SLC9B1: variants seen among roughly 807,000 people sequenced by gnomAD.
The protein encoded by SLC9B1 is solute carrier family 9 member B1, also known as sodium/hydrogen exchanger 9B1.
In SLC9B1, 32 loss-of-function variants were observed where a neutral mutation model predicts 51.7. The ratio of observed to expected loss-of-function variants is 0.62; its 90% CI spans 0.47 to 0.83. SLC9B1 has a LOEUF of 0.83. SLC9B1 is among the 40% of genes least tolerant of loss of function. The pLI, the probability that SLC9B1 is intolerant of heterozygous loss-of-function variation, is 0.00. For synonymous variants in SLC9B1, 145 were observed against 212.7 expected (o/e 0.68, Z 2.77); for missense variants, 406 against 613.2 (o/e 0.66, Z 3.57).
Position 103,016,134 on chromosome 4 carries a change from C to CAAAAAAAAAAAAAAAAAAAA in SLC9B1, c.-2+3464_-2+3465insTTTTTTTTTTTTTTTTTTTT, listed in dbSNP as rs61227731. On this transcript the variant is annotated intron_variant, in intron 1 of 11. Coordinates refer to ENST00000296422, the MANE Select transcript of SLC9B1 (RefSeq NM_139173.4). Reference sequence around the variant, plus strand: ...GGACAACAAGAGCCAAACTCTGTCTCAAAAAAAAAAAAAAAAAAAGGAAAG... The same window carrying CAAAAAAAAAAAAAAAAAAAA: ...GGACAACAAGAGCCAAACTCTGTCTCAAAAAAAAAAAAAAAAAAAAAAAAAAAAAAAAAAAAAAAGGAAAG... 2.2e-4 allele frequency among the ~76,000 whole-genome samples: 11 copies of CAAAAAAAAAAAAAAAAAAAA among 49,630 alleles called. 1 individual carries two copies. The highest frequency in any genetic ancestry group is 2.4e-4 in the Non-Finnish European group (7 of 28,898). The allele number at this position is 49,630 out of a possible 152,430, so 32.6% of individuals were successfully genotyped here. A position where few individuals can be genotyped will look rare whatever the true frequency, so the allele number is the denominator to read the frequency against.
chr4:102,955,156 T>C (rs1236081487), intron 3 of SLC9B1, among the ~76,000 whole-genome samples: 1 of 152,134 alleles, frequency 6.6e-6, no homozygotes, highest in Admixed American at 6.5e-5. Context: ...TGGGAGATAA[T>C]TGAATCATGG....
At chr4:102,983,418 A>C (rs1284128425) in intron 3 of SLC9B1, among the ~76,000 whole-genome samples, 2 of 152,186 alleles carry the variant, frequency 1.3e-5, no homozygotes, top group Non-Finnish European at 1.5e-5. Flanking sequence ...TAAATTGGAA[A>C]GTATTCCTTC....
intron 11 of SLC9B1, chr4:102,891,847 C>T (rs901925791): frequency 7.9e-5 from 12 of 152,194 alleles, no homozygotes; most frequent in African/African-American, 2.9e-4. Flanking sequence ...TTAAAAACCA[C>T]ATGTGCAGCA....
chr4:102,980,441 A>G (rs1478553840), intron 3 of SLC9B1, among the ~76,000 whole-genome samples: 1 of 152,214 alleles, frequency 6.6e-6, no homozygotes, highest in Non-Finnish European at 1.5e-5. Flanking sequence ...TGTCCTTTGC[A>G]GGGACATGGA....
At chr4:102,928,414 C>A (rs1736294696) in intron 7 of SLC9B1, among the ~76,000 whole-genome samples, 1 of 152,170 alleles carries the variant, frequency 6.6e-6, no homozygotes, top group South Asian at 2.1e-4. Context: ...TCAGCCTGGA[C>A]TTCACTGTCC....
intron 3 of SLC9B1, among the ~76,000 whole-genome samples, chr4:102,987,773 CA>C (rs1394589285): frequency 8.5e-5 from 13 of 152,150 alleles, no homozygotes; most frequent in African/African-American, 2.4e-4. Flanking sequence ...TTTTAAATTA[CA>C]ATTCAGGTTT....
At chr4:102,958,242 C>A (rs1479487140) in intron 3 of SLC9B1, among the ~76,000 whole-genome samples, 1 of 152,120 alleles carries the variant, frequency 6.6e-6, no homozygotes, top group Admixed American at 6.5e-5. Context: ...TGAGTAAATT[C>A]TTGTGAGATC....
intron 1 of SLC9B1, among the ~76,000 whole-genome samples, chr4:102,993,930 A>G (rs1038356124): frequency 3.9e-5 from 6 of 152,174 alleles, no homozygotes; most frequent in African/African-American, 1.4e-4. Context: ...GCAGGGCACC[A>G]TGTCTCAAGG....
At chr4:102,960,126 A>G (rs1738025265) in intron 3 of SLC9B1, among the ~76,000 whole-genome samples, 1 of 152,096 alleles carries the variant, frequency 6.6e-6, no homozygotes, top group Non-Finnish European at 1.5e-5. Context: ...CAGAAAACAT[A>G]TATGCACTGG....
chr4:102,939,406 CAAAAAAAAAAAA>C (rs56014819), intron 6 of SLC9B1, among the ~76,000 whole-genome samples: 5 of 68,264 alleles, frequency 7.3e-5, no homozygotes, highest in Admixed American at 6.7e-4. Context: ...GTCTCTGAGC[CAAAAAAAAAAAA>C]AAAAAAAAAA....
intron 3 of SLC9B1, among the ~76,000 whole-genome samples, chr4:102,974,476 G>A (rs1738952354): frequency 6.6e-6 from 1 of 151,924 alleles, no homozygotes; most frequent in South Asian, 2.1e-4. Flanking sequence ...AATAAAAAAT[G>A]AAATGTAACA....
chr4:103,017,294 A>G (rs1741421578), intron 1 of SLC9B1, among the ~76,000 whole-genome samples: 1 of 152,106 alleles, frequency 6.6e-6, no homozygotes, highest in African/African-American at 2.4e-5. Context: ...CTTGCTCCCC[A>G]CCCAGTATGA....
chr4:102,943,919 TAA>T (rs1356924928), intron 6 of SLC9B1, among the ~76,000 whole-genome samples: 1 of 152,064 alleles, frequency 6.6e-6, no homozygotes, highest in African/African-American at 2.4e-5. Context: ...GAGATCAACC[TAA>T]ATGCCCATCA....
At chr4:102,975,584 ATATT>A (rs1739021163) in intron 3 of SLC9B1, among the ~76,000 whole-genome samples, 3 of 80,180 alleles carry the variant, frequency 3.7e-5, no homozygotes, top group South Asian at 4.2e-4. Flanking sequence ...ATATATATAT[ATATT>A]TTTTTTTTTT....
intron 6 of SLC9B1, among the ~76,000 whole-genome samples, chr4:102,941,665 G>GAT (rs1737007632): frequency 3.5e-5 from 1 of 28,908 alleles, no homozygotes; most frequent in South Asian, 9.9e-4. Context: ...AAAAAAACCC[G>GAT]AGAGAGAGAG....
At chr4:102,910,956 G>T (rs963242000) in intron 8 of SLC9B1, among the ~76,000 whole-genome samples, 10 of 152,176 alleles carry the variant, frequency 6.6e-5, no homozygotes, top group African/African-American at 2.4e-4. Context: ...GCTAAATTTG[G>T]ATGGAAATTA....
chr4:102,938,648 G>A (rs6419160), intron 6 of SLC9B1, among the ~76,000 whole-genome samples: 83,127 of 151,878 alleles, frequency 0.55, 23,309 homozygotes, highest in African/African-American at 0.68. Context: ...ATAAATTTAA[G>A]AAAACCCCTG....
chr4:102,987,013 C>T (rs868680553), intron 3 of SLC9B1, among the ~76,000 whole-genome samples: 3 of 152,022 alleles, frequency 2.0e-5, no homozygotes, highest in Admixed American at 6.6e-5. Context: ...TTTTAATACA[C>T]GTTGTAAATT....
At chr4:103,007,782 G>T (rs1740867844) in intron 1 of SLC9B1, among the ~76,000 whole-genome samples, 1 of 151,612 alleles carries the variant, frequency 6.6e-6, no homozygotes, top group African/African-American at 2.4e-5. Flanking sequence ...TGTAGGGACG[G>T]GGTCTCCCTA....
Sources: allele counts gnomAD v4.1 joint callset (sites outside exome capture counted in the v4.1 genomes callset), GRCh38; gene constraint gnomAD v4.1.1; transcripts MANE v1.5; gene names NCBI Gene and HGNC (gene_info 2026-07-23, HGNC 2026-07-21).